The following PREX2 variants were observed in gnomAD, a reference collection of about 807,000 sequenced individuals.
PREX2 encodes the protein phosphatidylinositol 3,4,5-trisphosphate-dependent Rac exchanger 2 protein.
PREX2 carries 107 observed loss-of-function variants against 203.2 expected under a neutral mutation model. The ratio of observed to expected loss-of-function variants is 0.53; its 90% CI spans 0.45 to 0.62. The LOEUF is 0.62. PREX2 is among the 20% of genes least tolerant of loss of function. The probability of loss-of-function intolerance (pLI) is 0.00; values close to 1 mark genes in which losing one functional copy is unlikely to be tolerated. For synonymous variants in PREX2, 672 were observed against 663.6 expected (o/e 1.01, Z -0.19); for missense variants, 1,777 against 1,955.9 (o/e 0.91, Z 1.72).
chr8:68,157,498 G>C (rs1811564097), intron 35 of PREX2, 62 bp downstream of exon 35: 2 of 809,208 alleles, frequency 2.5e-6, no homozygotes, highest in Admixed American at 4.2e-5. Context: ...TGTATTAATA[G>C]GACTTTTGAT....
At chr8:68,069,344 TAGTAGTACTGCTGC>T (rs1171060882) in intron 12 of PREX2, among the ~76,000 whole-genome samples, 6 of 151,800 alleles carry the variant, frequency 4.0e-5, no homozygotes, top group Admixed American at 6.6e-5. Context: ...TTCTAAATGG[TAGTAGTACTGCTGC>T]ATCACTCACC....
intron 33 of PREX2, among the ~76,000 whole-genome samples, chr8:68,145,965 T>A (rs1041911789): frequency 4.2e-4 from 64 of 152,234 alleles, no homozygotes; most frequent in African/African-American, 1.4e-3. Context: ...TATGTCAAAG[T>A]GTAACAAAGT....
intron 1 of PREX2, among the ~76,000 whole-genome samples, chr8:67,963,006 G>A (rs1341185738): frequency 2.0e-5 from 3 of 152,026 alleles, no homozygotes; most frequent in Admixed American, 1.3e-4. Context: ...GAAACCTCTG[G>A]CAGAGACTTC....
intron 35 of PREX2, among the ~76,000 whole-genome samples, chr8:68,172,624 T>G (rs1811903115): frequency 6.6e-6 from 1 of 152,134 alleles, no homozygotes; most frequent in Admixed American, 6.6e-5. Context: ...AGGAATGAAT[T>G]AGAGGAACCA....
At chr8:68,186,071 A>T (rs565686305) in intron 35 of PREX2, among the ~76,000 whole-genome samples, 2 of 152,192 alleles carry the variant, frequency 1.3e-5, no homozygotes, top group South Asian at 4.1e-4. Flanking sequence ...CAGTTTGTCA[A>T]ATTCTGAAAG....
At chr8:68,083,518 T>A (rs4415294) in intron 18 of PREX2, 130 bp downstream of exon 18, 3 of 567,592 alleles carry the variant, frequency 5.3e-6, no homozygotes, top group Non-Finnish European at 9.1e-6. Context: ...ACCGGTATCA[T>A]TAATACTGGT....
At chr8:68,088,220 A>G (rs1344546548) in intron 19 of PREX2, among the ~76,000 whole-genome samples, 1 of 152,182 alleles carries the variant, frequency 6.6e-6, no homozygotes, top group African/African-American at 2.4e-5. Flanking sequence ...GGGTACTTTT[A>G]TAAACCGTGG....
chr8:68,011,257 A>G (rs971758551), intron 1 of PREX2, among the ~76,000 whole-genome samples: 1 of 152,040 alleles, frequency 6.6e-6, no homozygotes, highest in Non-Finnish European at 1.5e-5. Context: ...ATTTTCGCTC[A>G]AACACTTCAA....
intron 5 of PREX2, among the ~76,000 whole-genome samples, chr8:68,028,859 G>A (rs1807804435): frequency 6.6e-6 from 1 of 152,130 alleles, no homozygotes; most frequent in African/African-American, 2.4e-5. Flanking sequence ...ATGAACTCAG[G>A]TATTTGAACT....
In PREX2 at chr8:68,144,072, A is replaced by G. The variant is rs188293215; in HGVS notation, c.4088-2137A>G. Among the ~76,000 whole-genome samples, 489 of 152,252 alleles carry G rather than the reference A, an allele frequency of 3.2e-3. 3 individuals carry two copies. Among genetic ancestry groups the G allele is most frequent in the African/African-American group, 0.011 (472 of 41,548 alleles). On this transcript the variant is annotated intron_variant, in intron 33 of 39. Coordinates refer to ENST00000288368, the MANE Select transcript of PREX2 (RefSeq NM_024870.4). ...ATTTGTCTGCTCTTTGGCCAATACCATGCTGTCTTCATTACTGTAGTTTTA... is the reference window on the plus strand; with the variant it reads ...ATTTGTCTGCTCTTTGGCCAATACCGTGCTGTCTTCATTACTGTAGTTTTA...
intron 1 of PREX2, among the ~76,000 whole-genome samples, chr8:68,017,416 C>A (rs1807438070): frequency 6.6e-6 from 1 of 152,196 alleles, no homozygotes; most frequent in African/African-American, 2.4e-5. Context: ...ACTCAACCTA[C>A]CTACCTATCT....
intron 30 of PREX2, among the ~76,000 whole-genome samples, chr8:68,124,283 G>A (rs1810842547): frequency 1.3e-5 from 2 of 152,022 alleles, no homozygotes; most frequent in Admixed American, 6.6e-5. Flanking sequence ...TGTGGTACCT[G>A]TATTCCAGGG....
chr8:68,063,776 T>A (rs1288313261), intron 11 of PREX2, among the ~76,000 whole-genome samples: 1 of 152,140 alleles, frequency 6.6e-6, no homozygotes, highest in Non-Finnish European at 1.5e-5. Flanking sequence ...GAAATAAAGG[T>A]TGCTGGTTCA....
intron 25 of PREX2, among the ~76,000 whole-genome samples, chr8:68,114,500 T>C (rs564145458): frequency 4.6e-5 from 7 of 152,350 alleles, no homozygotes; most frequent in African/African-American, 1.4e-4. Context: ...TTTAGCATGC[T>C]CTTTGATAAT....
At chr8:68,002,108 T>C (rs1271339222) in intron 1 of PREX2, among the ~76,000 whole-genome samples, 1 of 149,642 alleles carries the variant, frequency 6.7e-6, no homozygotes, top group East Asian at 2.0e-4. Flanking sequence ...AGAAAGTGCA[T>C]GGAGAAGATA....
chr8:67,965,507 A>G (rs76160700), intron 1 of PREX2, among the ~76,000 whole-genome samples: 11 of 63,386 alleles, frequency 1.7e-4, no homozygotes, highest in South Asian at 1.6e-3. Flanking sequence ...GTATATATAT[A>G]TGTGTGTGTA....
In PREX2 at chr8:68,099,726, CTG is replaced by C; in HGVS notation, c.2600_2601del (p.Cys867TyrfsTer8). 6.2e-7 allele frequency: 1 copy of C among 1,613,922 alleles called. No individual in the cohort carries two copies. The highest frequency in any genetic ancestry group is 8.5e-7 in the Non-Finnish European group (1 of 1,179,956). On this transcript the variant is annotated frameshift_variant, in exon 23 of 40. Transcript: ENST00000288368. LOFTEE classifies it high-confidence loss of function. ...AAAGTGATGAGCATTTTGTACAAAA[CTG>C]TACCAGCCTAAATTCTCTAAATGAA... Reference protein sequence around the residue: ...AKSDEHFVQNCTSLNSLNEVI... With the variant: ...AKSDEHFVQNXTSLNSLNEVI...
chr8:68,058,395 T>C (rs1367706766), intron 10 of PREX2, among the ~76,000 whole-genome samples: 3 of 152,116 alleles, frequency 2.0e-5, no homozygotes, highest in South Asian at 4.1e-4. Context: ...TCCTGACATC[T>C]GTCATCTCAT....
At chr8:68,226,539 A>G (rs1254498924) in intron 39 of PREX2, among the ~76,000 whole-genome samples, 2 of 152,328 alleles carry the variant, frequency 1.3e-5, no homozygotes, top group East Asian at 1.9e-4. Flanking sequence ...GAAGTTTGCT[A>G]TCTCTGTCTG....
Sources: allele counts gnomAD v4.1 joint callset (sites outside exome capture counted in the v4.1 genomes callset), GRCh38; gene constraint gnomAD v4.1.1; transcripts MANE v1.5; gene names NCBI Gene and HGNC (gene_info 2026-07-23, HGNC 2026-07-21).